Variants in CCDC102A observed in about 807,000 individuals in gnomAD.
CCDC102A encodes the protein coiled-coil domain containing 102A.
In CCDC102A, 40 loss-of-function variants were observed where a neutral mutation model predicts 55.5. The observed-to-expected ratio is 0.72, with a 90% CI of 0.56 to 0.94. CCDC102A has a LOEUF of 0.94. CCDC102A is among the 40% of genes least tolerant of loss of function. The pLI, the probability that CCDC102A is intolerant of heterozygous loss-of-function variation, is 0.00. For synonymous variants in CCDC102A, 323 were observed against 339.0 expected, an observed-to-expected ratio of 0.95 and a Z score of 0.52; for missense variants, 779 against 768.6, an observed-to-expected ratio of 1.01 and a Z score of -0.16.
chr16:57,528,442 T>A (rs754280373), intron 2 of CCDC102A, 151 bp downstream of exon 2: 6 of 398,272 alleles, frequency 1.5e-5, no homozygotes, highest in African/African-American at 2.2e-5. Context: ...GAAAATGATG[T>A]GAGGCCCCGC....
At position 57,529,245 on chromosome 16, in the gene CCDC102A, G is replaced by C. The variant is rs2032207185; in HGVS notation, c.-68C>G. On this transcript the variant is annotated 5_prime_UTR_variant, in exon 2 of 9. Transcript: ENST00000258214. This position sits in a 1 kb window ranked among gnomAD's most constrained non-coding sequence, Gnocchi z 4.1. The stretch of plus-strand genomic sequence containing the variant: ...TCAGGGGCGGCTCCGGGGACGCGCG[G>C]CGGGCGCGATACAACTGTGCATGAT... The C allele has an allele frequency of 8.9e-7, 1 of 1,129,786 alleles. No homozygotes were observed. Among genetic ancestry groups the C allele is most frequent in the African/African-American group, 1.7e-5 (1 of 60,114 alleles). The allele number at this position is 1,129,786 out of a possible 1,614,324, so 70.0% of individuals were successfully genotyped here. A position where few individuals can be genotyped will look rare whatever the true frequency, so the allele number is the denominator to read the frequency against.
intron 8 of CCDC102A, 48 bp downstream of exon 8, chr16:57,515,293 C>G: frequency 8.2e-7 from 1 of 1,219,840 alleles, no homozygotes; most frequent in South Asian, 1.3e-5. Flanking sequence ...CGGAGGGTTC[C>G]CTGGCTGGAA....
rs1030025106 is a variant in CCDC102A, at chr16:57,520,621, T to A, written c.921+447A>T. 2.6e-4 allele frequency among the ~76,000 whole-genome samples: 38 copies of A among 144,550 alleles called. No homozygotes were observed. The South Asian group carries it at 7.9e-3, about 30-fold the overall frequency. The allele number at this position is 144,550 out of a possible 152,430, so 94.8% of individuals were successfully genotyped here. A position where few individuals can be genotyped will look rare whatever the true frequency, so the allele number is the denominator to read the frequency against. On this transcript the variant is annotated intron_variant, in intron 4 of 8. Coordinates refer to ENST00000258214, the MANE Select transcript of CCDC102A (RefSeq NM_033212.4). The stretch of plus-strand genomic sequence containing the variant: ...ATAAAATAAAATAAATAAAATAAAA[T>A]AAAATAAATAAAAATAAATAAAATT...
chr16:57,527,581 G>A (rs1008479103), intron 2 of CCDC102A, among the ~76,000 whole-genome samples: 2 of 152,044 alleles, frequency 1.3e-5, no homozygotes, highest in African/African-American at 2.4e-5. Context: ...CAGCATGCCC[G>A]ACTAATTTTT....
At chr16:57,522,330 A>C (rs2032066108) in intron 3 of CCDC102A, among the ~76,000 whole-genome samples, 1 of 152,118 alleles carries the variant, frequency 6.6e-6, no homozygotes, top group African/African-American at 2.4e-5. Context: ...ACCCAAGTGC[A>C]AGTGCCCAGC....
At chr16:57,532,902 T>C (rs1011430481) in intron 1 of CCDC102A, among the ~76,000 whole-genome samples, 2 of 152,092 alleles carry the variant, frequency 1.3e-5, no homozygotes, top group East Asian at 1.9e-4. Context: ...CCGGGCCCTG[T>C]CTGCTGGGCC....
At chr16:57,536,757 G>A (rs2032403339), upstream of CCDC102A, among the ~76,000 whole-genome samples, 1 of 152,132 alleles carries the variant, frequency 6.6e-6, no homozygotes, top group Non-Finnish European at 1.5e-5. Context: ...TGCGGGCCGG[G>A]GCGGTGGGCT....
chr16:57,524,558 CAG>C (rs1354761362), intron 3 of CCDC102A, among the ~76,000 whole-genome samples: 1 of 146,970 alleles, frequency 6.8e-6, no homozygotes, highest in Admixed American at 6.7e-5. Context: ...GCCTGGCTGA[CAG>C]AGTGAGGCTC....
chr16:57,532,382 C>T (rs908085912), intron 1 of CCDC102A, among the ~76,000 whole-genome samples: 2 of 152,216 alleles, frequency 1.3e-5, no homozygotes, highest in Non-Finnish European at 2.9e-5. Context: ...ACACCACTGA[C>T]ACCCCAGGAG....
rs755982359 is a variant in CCDC102A at position 57,518,187 on chromosome 16, T to G, written c.1129A>C (p.Lys377Gln). 4.3e-6 allele frequency: 7 copies of G among 1,612,622 alleles called. No individual in the cohort carries two copies. The highest frequency in any genetic ancestry group is 5.9e-6 in the Non-Finnish European group (7 of 1,179,914). ...AGGTCTCCGACCTGTGCCCGCAGCTTCTTGTTCTCCCGCTCAAGGCCCAGT... is the reference window on the plus strand; with the variant it reads ...AGGTCTCCGACCTGTGCCCGCAGCTGCTTGTTCTCCCGCTCAAGGCCCAGT... The part of the protein sequence containing the change: ...EKLGLERENK[K>Q]LRAQVGDLEE... Residue 377 changes from lysine to glutamine, a missense_variant, in exon 6 of 9, where the codon AAG becomes CAG. Transcript: ENST00000258214.
chr16:57,533,827 G>A (rs149382097), intron 1 of CCDC102A, among the ~76,000 whole-genome samples: 1 of 152,310 alleles, frequency 6.6e-6, no homozygotes, highest in Non-Finnish European at 1.5e-5. Flanking sequence ...GCTTACAGTC[G>A]TGGAGATGCC....
At chr16:57,520,181 C>T (rs2032021143) in intron 4 of CCDC102A, among the ~76,000 whole-genome samples, 1 of 152,224 alleles carries the variant, frequency 6.6e-6, no homozygotes, top group African/African-American at 2.4e-5. Context: ...AAGGCCCCCT[C>T]CTGCGGCCTC....
rs570030222 is a variant in CCDC102A, at chr16:57,519,443, C to A, written c.922-702G>T. On this transcript the variant is annotated intron_variant, in intron 4 of 8. Transcript: ENST00000258214. ...TTTGTGTCGTTGTATGGCCTGGGCA[C>A]AGGGCCGCCCTCAGTGTACAGTGAC... 9.8e-5 allele frequency among the ~76,000 whole-genome samples: 15 copies of A among 152,352 alleles called. No homozygotes were observed. In the South Asian group the frequency reaches 1.7e-3, roughly 17 times the overall value.
chr16:57,533,025 G>A (rs1311076256), intron 1 of CCDC102A, among the ~76,000 whole-genome samples: 1 of 152,214 alleles, frequency 6.6e-6, no homozygotes, highest in South Asian at 2.1e-4. Flanking sequence ...GAGGGCCACC[G>A]GCTTCTTCCA....
upstream of CCDC102A, chr16:57,536,746 G>A (rs2032402978): frequency 6.6e-6 from 1 of 152,234 alleles, no homozygotes; most frequent in Non-Finnish European, 1.5e-5. Context: ...GGGGCGAGGG[G>A]TGCGGGCCGG....
chr16:57,517,945 A>G, intron 6 of CCDC102A, 123 bp downstream of exon 6: 1 of 1,121,362 alleles, frequency 8.9e-7, no homozygotes, highest in Non-Finnish European at 1.3e-6. Flanking sequence ...TCTAGCACAC[A>G]AGGTGCTGAA....
At position 57,516,721 on chromosome 16, in the gene CCDC102A, G is replaced by A. The variant is rs2031961404; in HGVS notation, c.1249-258C>T. ...CGGTTTGGATGTGTAACTTTCAGAT[G>A]CTACTGGATCTACCCTGGAGCTGTT... is the stretch of plus-strand genomic sequence containing the variant. On this transcript the variant is annotated intron_variant, in intron 6 of 8. Transcript: ENST00000258214. This position sits in a 1 kb window ranked among gnomAD's most constrained non-coding sequence, Gnocchi z 4.4. The A allele has an allele frequency of 7.2e-6, 4 of 555,846 alleles. No individual in the cohort carries two copies. The highest frequency in any genetic ancestry group is 1.9e-5 in the African/African-American group (1 of 53,028). 34.4% of individuals were successfully genotyped at this position (555,846 alleles called of 1,614,324 possible).
chr16:57,532,887 GGGGCCC>G (rs2032295503), intron 1 of CCDC102A, among the ~76,000 whole-genome samples: 1 of 152,324 alleles, frequency 6.6e-6, no homozygotes, highest in South Asian at 2.1e-4. Flanking sequence ...GCTGGGTATG[GGGGCCC>G]GGGCCCTGTC....
At position 57,515,434 on chromosome 16, in the gene CCDC102A, G is replaced by A; in HGVS notation, c.1430C>T (p.Ala477Val). Residue 477 changes from alanine (A) to valine (V), a missense_variant, in exon 8 of 9, where the codon GCC (alanine) becomes GTC (valine). By Grantham distance (64) the Ala-to-Val change is moderately conservative. Transcript: ENST00000258214. ...LAQAEDELDE[A>V]HNQARKLQRS... ...CTGCAGCTTACGTGCCTGGTTGTGG[G>A]CCTCGTCCAGCTGTGGGGGTGAGCA... 1 of 1,602,542 alleles carries A rather than the reference G, an allele frequency of 6.2e-7. No individual in the cohort carries two copies. Among genetic ancestry groups the A allele is most frequent in the Middle Eastern group, 1.8e-4 (1 of 5,442 alleles).
Sources: gnomAD v4.1 joint callset for allele counts (sites outside exome capture counted in the v4.1 genomes callset) on GRCh38, gnomAD v4.1.1 for gene constraint, Gnocchi (gnomAD v3.1) non-coding constraint, MANE v1.5 for transcripts, NCBI Gene and HGNC (gene_info 2026-07-23, HGNC 2026-07-21) for gene names.